Variants in ANAPC1 observed in about 807,000 individuals in gnomAD.
ANAPC1 encodes the protein anaphase promoting complex subunit 1, also known as anaphase-promoting complex subunit 1.
A neutral mutation model predicts 208.0 loss-of-function variants in ANAPC1; 36 were observed. The observed-to-expected ratio is 0.17, with a 90% CI of 0.13 to 0.23. The LOEUF is 0.23. Among genes scored for constraint, ANAPC1 ranks in the 10% least tolerant of loss-of-function variants. ANAPC1 has a pLI of 1.00. For missense variants in ANAPC1, 942 were observed against 2,011.6 expected (o/e 0.47, Z 10.17); for synonymous variants, 378 against 695.2 (o/e 0.54, Z 7.18).
chr2:111,833,902 T>C (rs937045218), intron 19 of ANAPC1, among the ~76,000 whole-genome samples: 3 of 152,182 alleles, frequency 2.0e-5, no homozygotes, highest in African/African-American at 4.8e-5. Context: ...ATGTCTTAAC[T>C]CAGAGGTTGA....
Position 111,876,224 on chromosome 2 carries a change from C to A in ANAPC1, c.376-2560G>T, listed in dbSNP as rs572703188. ...GGACAACATAGTGAGACCCCCATCTCTATTAAAAAACAAAAAGAATAAATG... is the reference window on the plus strand; with the variant it reads ...GGACAACATAGTGAGACCCCCATCTATATTAAAAAACAAAAAGAATAAATG... On this transcript the variant is annotated intron_variant, in intron 3 of 47. Transcript: ENST00000341068. Among the ~76,000 whole-genome samples, 209 of 150,654 alleles carry A rather than the reference C, an allele frequency of 1.4e-3. 2 individuals carry two copies. Among genetic ancestry groups the A allele is most frequent in the African/African-American group, 4.7e-3 (195 of 41,070 alleles).
Position 111,864,027 on chromosome 2 carries a change from A to C in ANAPC1, c.832-132T>G, listed in dbSNP as rs565005797. The C allele has an allele frequency of 4.4e-5, 52 of 1,169,916 alleles. No individual in the cohort carries two copies. In the African/African-American group the frequency reaches 6.8e-4, roughly 15 times the overall value. The allele number at this position is 1,169,916 out of a possible 1,614,324, so 72.5% of individuals were successfully genotyped here. On this transcript the variant is annotated intron_variant, in intron 8 of 47. Coordinates refer to ENST00000341068, the MANE Select transcript of ANAPC1 (RefSeq NM_022662.4). ...GTATTTCTTCTTTCCTAAGAAGCTC[A>C]ATCTATTTCTCAAATGAGGCCAGGT... is the stretch of plus-strand genomic sequence containing the variant.
chr2:111,856,536 A>G, intron 13 of ANAPC1, 78 bp downstream of exon 13: 1 of 1,377,076 alleles, frequency 7.3e-7, no homozygotes, highest in Non-Finnish European at 1.0e-6. Context: ...TAAAATATCA[A>G]TCTAAAGTAA....
chr2:111,777,871 T>C (rs1221137760), intron 45 of ANAPC1, among the ~76,000 whole-genome samples: 2 of 152,078 alleles, frequency 1.3e-5, no homozygotes, highest in Admixed American at 6.5e-5. Flanking sequence ...AGACACTGAG[T>C]CTCAGATGCT....
intron 18 of ANAPC1, among the ~76,000 whole-genome samples, chr2:111,835,741 C>G (rs1174317685): frequency 2.0e-5 from 3 of 152,074 alleles, no homozygotes; most frequent in Non-Finnish European, 4.4e-5. Flanking sequence ...ATTGGGGAGG[C>G]TGAGGCAGGA....
chr2:111,832,952 A>AAAAAAAAAAAAAAAAAC (rs1680236074), intron 20 of ANAPC1, among the ~76,000 whole-genome samples: 2 of 150,264 alleles, frequency 1.3e-5, no homozygotes, highest in Non-Finnish European at 1.5e-5. Flanking sequence ...AAAAAAAAAA[A>AAAAAAAAAAAAAAAAAC]AAAAGCATCC....
intron 28 of ANAPC1, among the ~76,000 whole-genome samples, chr2:111,810,419 C>T (rs2948021): frequency 6.6e-6 from 1 of 152,032 alleles, no homozygotes; most frequent in East Asian, 1.9e-4. Context: ...TCTGTGAATA[C>T]ACTAAAAACC....
intron 24 of ANAPC1, among the ~76,000 whole-genome samples, chr2:111,822,869 C>A (rs1181732521): frequency 1.3e-5 from 2 of 151,678 alleles, no homozygotes; most frequent in Admixed American, 1.3e-4. Context: ...GGGCAACATG[C>A]ATATGAAAAG....
At chr2:111,851,810 C>A (rs1297075599) in intron 13 of ANAPC1, among the ~76,000 whole-genome samples, 15 of 143,302 alleles carry the variant, frequency 1.0e-4, no homozygotes, top group African/African-American at 1.3e-4. Flanking sequence ...AACTCTGTCT[C>A]AAAAAAAAAA....
rs139503565 is a variant in ANAPC1 at position 111,833,261 on chromosome 2, G to A, written c.2435C>T (p.Thr812Met). 56 of 1,603,000 alleles carry A rather than the reference G, an allele frequency of 3.5e-5. No individual in the cohort carries two copies. Among genetic ancestry groups the A allele is most frequent in the Middle Eastern group, 3.3e-4 (2 of 6,006 alleles). ...CACTTGTCCAGTAGTTCTGACAAGC[G>A]TTGGGTAGTCTCTATAGTAATGATC... ...YVDHYYRDYP[T>M]LVRTTGQVCT... The change falls in exon 20 of 48, where the codon ACG becomes ATG. Residue 812 changes from threonine (T) to methionine (M), a missense_variant. Transcript: ENST00000341068.
At chr2:111,833,675 A>T (rs1680306851) in intron 19 of ANAPC1, among the ~76,000 whole-genome samples, 1 of 147,244 alleles carries the variant, frequency 6.8e-6, no homozygotes. Context: ...AATAAGATAA[A>T]ATATGTAAAA....
At chr2:111,835,713 C>T (rs1486938510) in intron 18 of ANAPC1, among the ~76,000 whole-genome samples, 4 of 151,944 alleles carry the variant, frequency 2.6e-5, no homozygotes, top group African/African-American at 7.2e-5. Context: ...TGGTGGCGGG[C>T]GCCTGTTAGT....
intron 29 of ANAPC1, 77 bp from the exon 30 acceptor site, chr2:111,805,970 T>C (rs1165318174): frequency 7.7e-6 from 3 of 389,010 alleles, no homozygotes; most frequent in South Asian, 2.2e-5. Flanking sequence ...GTTAACTTTC[T>C]AGCAAGTTGC....
chr2:111,768,565 G>C lies in ANAPC1; in HGVS notation c.*726C>G, dbSNP rs1280545312. 6.7e-6 allele frequency: 1 copy of C among 149,626 alleles called. No homozygotes were observed. 9.3% of individuals were successfully genotyped at this position (149,626 alleles called of 1,614,324 possible). A position where few individuals can be genotyped will look rare whatever the true frequency, so the allele number is the denominator to read the frequency against. Reference sequence around the variant, plus strand: ...CCTCACTGTCTTCACATGGCAGAGAGAGAAAGAAAAATCTCTCTTCCTCTG... The same window carrying C: ...CCTCACTGTCTTCACATGGCAGAGACAGAAAGAAAAATCTCTCTTCCTCTG... On this transcript the variant is annotated 3_prime_UTR_variant, in exon 48 of 48. Coordinates refer to ENST00000341068, the MANE Select transcript of ANAPC1 (RefSeq NM_022662.4).
intron 39 of ANAPC1, among the ~76,000 whole-genome samples, chr2:111,787,234 C>A (rs2686002): frequency 1.5e-5 from 2 of 133,194 alleles, no homozygotes; most frequent in Non-Finnish European, 3.2e-5. Flanking sequence ...ACCAGCAGTA[C>A]GTGAGTGTGG....
At chr2:111,828,247 G>C (rs1182112689) in intron 21 of ANAPC1, among the ~76,000 whole-genome samples, 1 of 152,078 alleles carries the variant, frequency 6.6e-6, no homozygotes, top group African/African-American at 2.4e-5. Flanking sequence ...TACTAGGATG[G>C]CTATAATTTT....
intron 13 of ANAPC1, among the ~76,000 whole-genome samples, chr2:111,852,188 T>TAAAATAAAATAAAA (rs1174622513): frequency 6.7e-6 from 1 of 150,066 alleles, no homozygotes; most frequent in African/African-American, 2.5e-5. Flanking sequence ...TGAATAAAAT[T>TAAAATAAAATAAAA]TATAATGCAA....
chr2:111,862,833 A>G, intron 9 of ANAPC1, among the ~76,000 whole-genome samples: 1 of 152,124 alleles, frequency 6.6e-6, no homozygotes, highest in Non-Finnish European at 1.5e-5. Context: ...TTTTACAACT[A>G]AAACTTAGAT....
chr2:111,781,677 C>T (rs1418256461), intron 43 of ANAPC1, among the ~76,000 whole-genome samples: 2 of 152,224 alleles, frequency 1.3e-5, no homozygotes, highest in African/African-American at 4.8e-5. Flanking sequence ...AGCAGGGACA[C>T]AGTTGCTCAT....
Sources: gnomAD v4.1 joint callset for allele counts (sites outside exome capture counted in the v4.1 genomes callset) on GRCh38, gnomAD v4.1.1 for gene constraint, MANE v1.5 for transcripts, NCBI Gene and HGNC (gene_info 2026-07-23, HGNC 2026-07-21) for gene names.